Variants in ZNF486 observed in about 807,000 individuals in gnomAD.
ZNF486 encodes the protein KRAB box only protein 2.
In ZNF486, 12 loss-of-function variants were observed where a neutral mutation model predicts 12.8. That is an observed-to-expected ratio of 0.94 (90% CI 0.60 to 1.52). The LOEUF is 1.52. Ranked by LOEUF, ZNF486 falls within the 40% of genes most tolerant of loss-of-function variation. ZNF486 has a pLI of 0.00. For synonymous variants in ZNF486, 231 were observed against 184.9 expected (o/e 1.25, Z -2.02); for missense variants, 738 against 545.0 (o/e 1.35, Z -3.53).
chr19:20,184,364 G>T lies in ZNF486; in HGVS notation c.39G>T (p.Leu13Phe). The T allele has an allele frequency of 6.2e-7, 1 of 1,612,812 alleles. No homozygotes were observed. The part of the protein sequence containing the change: ...GPLRSLEMES[L>F]QFRDVAVEFS... ...GTGTGTGTGTTTTTCAGGAATCATT[G>T]CAATTTAGAGATGTGGCTGTAGAAT... Residue 13 changes from leucine (L) to phenylalanine (F), a missense_variant, in exon 2 of 4, where the codon TTG (leucine) becomes TTT (phenylalanine). Coordinates refer to ENST00000335117, the MANE Select transcript of ZNF486 (RefSeq NM_052852.4).
chr19:20,183,930 G>T (rs1210374258), intron 1 of ZNF486, among the ~76,000 whole-genome samples: 1 of 145,674 alleles, frequency 6.9e-6, no homozygotes, highest in Non-Finnish European at 1.5e-5. Flanking sequence ...CAGACTTTAT[G>T]CCAGATCTTT....
chr19:20,185,028 T>C (rs112076022), intron 2 of ZNF486, among the ~76,000 whole-genome samples: 12,059 of 152,180 alleles, frequency 0.079, 742 homozygotes, highest in African/African-American at 0.18. Context: ...GGAGATTCCC[T>C]TGAACACAGG....
Position 20,197,520 on chromosome 19 carries a change from A to T in ZNF486, c.810A>T (p.Glu270Asp), listed in dbSNP as rs1555718236. ...HSGEKPYICE[E>D]CGKAFMYPYT... Reference sequence around the variant, plus strand: ...GAGAGAAACCCTACATTTGTGAAGAATGTGGCAAAGCCTTTATGTACCCCT... The same window carrying T: ...GAGAGAAACCCTACATTTGTGAAGATTGTGGCAAAGCCTTTATGTACCCCT... The change falls in exon 4 of 4, where the codon GAA becomes GAT. Residue 270 changes from glutamate to aspartate, a missense_variant. Coordinates refer to ENST00000335117, the MANE Select transcript of ZNF486 (RefSeq NM_052852.4). 6.2e-7 allele frequency: 1 copy of T among 1,612,676 alleles called. No individual in the cohort carries two copies. The highest frequency in any genetic ancestry group is 8.5e-7 in the Non-Finnish European group (1 of 1,179,342).
chr19:20,197,772 ATG>A lies in ZNF486; in HGVS notation c.1065_1066del (p.Cys355TrpfsTer14). The A allele has an allele frequency of 1.2e-6, 2 of 1,613,938 alleles. No homozygotes were observed. Among genetic ancestry groups the A allele is most frequent in the South Asian group, 1.1e-5 (1 of 91,076 alleles). On this transcript the variant is annotated frameshift_variant, in exon 4 of 4. Transcript: ENST00000335117. LOFTEE classifies it low-confidence loss of function (END_TRUNC). ...GAGAGAAACCCTACAAATGTGAAGAATGTGGCAAAGCCTTCACCCGCTCCTCA... is the reference window on the plus strand; with the variant it reads ...GAGAGAAACCCTACAAATGTGAAGAATGGCAAAGCCTTCACCCGCTCCTCA... ...TGEKPYKCEECGKAFTRSSHL... is the reference protein window; with the variant it reads ...TGEKPYKCEEXGKAFTRSSHL...
intron 1 of ZNF486, among the ~76,000 whole-genome samples, chr19:20,183,567 G>A: frequency 6.6e-6 from 1 of 152,084 alleles, no homozygotes; most frequent in East Asian, 1.9e-4. Flanking sequence ...CAACAGTGAT[G>A]CTGTGTTCTT....
Position 20,199,551 on chromosome 19 carries a change from A to T in ZNF486, c.*1449A>T, listed in dbSNP as rs1438194897. 1 of 151,952 alleles carries T rather than the reference A, an allele frequency of 6.6e-6. No individual in the cohort carries two copies. Among genetic ancestry groups the T allele is most frequent in the Non-Finnish European group, 1.5e-5 (1 of 68,020 alleles). 9.4% of individuals were successfully genotyped at this position (151,952 alleles called of 1,614,324 possible). A position where few individuals can be genotyped will look rare whatever the true frequency, so the allele number is the denominator to read the frequency against. ...TTTGAGATCAGACTGACCAAAACGG[A>T]GAAACCCAGTCTCTACTGAAAATAT... On this transcript the variant is annotated 3_prime_UTR_variant, in exon 4 of 4. Coordinates refer to ENST00000335117, the MANE Select transcript of ZNF486 (RefSeq NM_052852.4).
intron 3 of ZNF486, among the ~76,000 whole-genome samples, chr19:20,189,404 G>A (rs1473725547): frequency 6.6e-6 from 1 of 152,146 alleles, no homozygotes; most frequent in Admixed American, 6.6e-5. Flanking sequence ...TATAATAAGT[G>A]AGGAACATTT....
intron 1 of ZNF486, among the ~76,000 whole-genome samples, chr19:20,177,617 G>T (rs924495974): frequency 2.6e-5 from 4 of 152,158 alleles, no homozygotes; most frequent in Admixed American, 6.5e-5. Context: ...CACTCTTATT[G>T]CCCAGGCTGG....
chr19:20,181,285 A>G (rs552195033), intron 1 of ZNF486, among the ~76,000 whole-genome samples: 2 of 152,110 alleles, frequency 1.3e-5, no homozygotes, highest in Admixed American at 1.3e-4. Context: ...CACGCCTGTA[A>G]TCCCAGCACT....
At chr19:20,180,101 C>G (rs1465079242) in intron 1 of ZNF486, among the ~76,000 whole-genome samples, 2 of 152,192 alleles carry the variant, frequency 1.3e-5, no homozygotes, top group East Asian at 3.9e-4. Flanking sequence ...ACCAGGAATT[C>G]CCTCACAATC....
At chr19:20,186,941 C>T (rs1047946236) in intron 3 of ZNF486, among the ~76,000 whole-genome samples, 1 of 151,820 alleles carries the variant, frequency 6.6e-6, no homozygotes, top group Non-Finnish European at 1.5e-5. Context: ...TACAACCATG[C>T]CTGGCTAATT....
chr19:20,181,043 T>A (rs1011509985), intron 1 of ZNF486, among the ~76,000 whole-genome samples: 1 of 152,096 alleles, frequency 6.6e-6, no homozygotes, highest in Non-Finnish European at 1.5e-5. Flanking sequence ...CCCAGTGGCA[T>A]AGAGAACAGA....
intron 1 of ZNF486, among the ~76,000 whole-genome samples, chr19:20,169,678 C>T (rs2089625578): frequency 6.6e-6 from 1 of 151,622 alleles, no homozygotes; most frequent in Non-Finnish European, 1.5e-5. Flanking sequence ...AGTATTGGAA[C>T]AGGAGAAAGT....
chr19:20,177,757 G>A (rs924372042), intron 1 of ZNF486, among the ~76,000 whole-genome samples: 8 of 152,028 alleles, frequency 5.3e-5, no homozygotes, highest in African/African-American at 1.9e-4. Context: ...GTATTTTTTA[G>A]TAGAGAGGGG....
chr19:20,198,346 G>A lies in ZNF486; in HGVS notation c.*244G>A, dbSNP rs2089982316. On this transcript the variant is annotated 3_prime_UTR_variant, in exon 4 of 4. Coordinates refer to ENST00000335117, the MANE Select transcript of ZNF486 (RefSeq NM_052852.4). The stretch of plus-strand genomic sequence containing the variant: ...TCAATCTCCTAACCTCAGGTGGTCT[G>A]CCTGCTTTGGCCTCCCAAAGTGTTG... 2.3e-6 allele frequency: 1 copy of A among 431,086 alleles called. No individual in the cohort carries two copies. The highest frequency in any genetic ancestry group is 4.2e-6 in the Non-Finnish European group (1 of 240,796). 26.7% of individuals were successfully genotyped at this position (431,086 alleles called of 1,614,324 possible). A position where few individuals can be genotyped will look rare whatever the true frequency, so the allele number is the denominator to read the frequency against.
intron 3 of ZNF486, among the ~76,000 whole-genome samples, chr19:20,194,954 A>T (rs2089943497): frequency 6.6e-6 from 1 of 152,038 alleles, no homozygotes; most frequent in Admixed American, 6.5e-5. Context: ...TATATTTTTT[A>T]TATCCACGAT....
chr19:20,186,544 T>C (rs2089848886), intron 3 of ZNF486, among the ~76,000 whole-genome samples: 1 of 152,196 alleles, frequency 6.6e-6, no homozygotes, highest in African/African-American at 2.4e-5. Flanking sequence ...TATTACTATA[T>C]AGTCTTGAAA....
At chr19:20,190,391 TTTG>T (rs1363684430) in intron 3 of ZNF486, among the ~76,000 whole-genome samples, 5 of 152,232 alleles carry the variant, frequency 3.3e-5, no homozygotes, top group East Asian at 1.9e-4. Flanking sequence ...TTTAAATTGA[TTTG>T]TTGTTGTTTT....
chr19:20,186,554 A>G (rs1253605228), intron 3 of ZNF486, among the ~76,000 whole-genome samples: 1 of 152,084 alleles, frequency 6.6e-6, no homozygotes, highest in Non-Finnish European at 1.5e-5. Flanking sequence ...TAGTCTTGAA[A>G]TATAGTTTGA....
Sources: gnomAD v4.1 joint callset for allele counts (sites outside exome capture counted in the v4.1 genomes callset) on GRCh38, gnomAD v4.1.1 for gene constraint, MANE v1.5 for transcripts, NCBI Gene and HGNC (gene_info 2026-07-23, HGNC 2026-07-21) for gene names.